Variants in MUC4 observed in about 807,000 individuals in gnomAD.
MUC4 encodes mucin-4.
Under a neutral mutation model 257.9 loss-of-function variants are expected in MUC4, and 202 were observed. The observed-to-expected ratio is 0.78, with a 90% confidence interval of 0.70 to 0.88. The LOEUF (loss-of-function observed/expected upper bound fraction) is 0.88. Ranked by LOEUF, MUC4 falls within the 40% of genes least tolerant of loss-of-function variation. The probability of loss-of-function intolerance (pLI) is 0.00; values close to 1 mark genes in which losing one functional copy is unlikely to be tolerated. For synonymous variants in MUC4, 2,351 were observed against 2,757.1 expected (o/e 0.85, Z 4.62); for missense variants, 5,976 against 6,513.7 (o/e 0.92, Z 2.84).
chr3:195,770,959 T>C, intron 5 of MUC4: 1 of 439,232 alleles, frequency 2.3e-6, no homozygotes, highest in Non-Finnish European at 4.6e-6. Context: ...GTGGCCGGGT[T>C]GGGGTATTCC....
chr3:195,811,657 C>G lies in MUC4; in HGVS notation c.82+79G>C, dbSNP rs1301584457. ...CTCTCTCTCTCTCTCTCTGTCTCCC[C>G]GGACCTCTTTCTCTGACAGCTCCCA... On this transcript the variant is annotated intron_variant, in intron 1 of 24. Transcript: ENST00000463781. 5 of 1,291,528 alleles carry G rather than the reference C, an allele frequency of 3.9e-6. No homozygotes were observed. In the East Asian group the frequency reaches 9.4e-5, roughly 24 times the overall value. 80.0% of individuals were successfully genotyped at this position (1,291,528 alleles called of 1,614,324 possible).
rs201087529 is a variant in MUC4 at position 195,782,784 on chromosome 3, G to T, written c.8796C>A (p.Thr2932=). The T allele has an allele frequency of 3.2e-5, 48 of 1,480,212 alleles. 6 individuals carry two copies. The Middle Eastern group carries it at 7.2e-4, about 22-fold the overall frequency. The allele number at this position is 1,480,212 out of a possible 1,614,324, so 91.7% of individuals were successfully genotyped here. A position where few individuals can be genotyped will look rare whatever the true frequency, so the allele number is the denominator to read the frequency against. Reference sequence around the variant, plus strand: ...CACCTGTGGATACTGAGGAAAGGCTGGTGACAGGAAGAGGGGTGGCCTGAC... The same window carrying T: ...CACCTGTGGATACTGAGGAAAGGCTTGTGACAGGAAGAGGGGTGGCCTGAC... The part of the protein sequence containing the change: ...STGQATPLPV[T]SLSSVSTGDT... The change falls in exon 2 of 25, where the codon ACC becomes ACA. Residue 2932 remains threonine, a synonymous_variant. Coordinates refer to ENST00000463781, the MANE Select transcript of MUC4 (RefSeq NM_018406.7).
At chr3:195,799,220 T>A (rs1333916595) in intron 1 of MUC4, among the ~76,000 whole-genome samples, 1 of 109,190 alleles carries the variant, frequency 9.2e-6, no homozygotes, top group Admixed American at 9.3e-5. Context: ...CTAGTATGTA[T>A]GTGTGACACT....
rs1208830821 is a variant in MUC4, at chr3:195,811,842, TC to T, written c.-26del. On this transcript the variant is annotated 5_prime_UTR_variant, in exon 1 of 25. Transcript: ENST00000463781. The stretch of plus-strand genomic sequence containing the variant: ...TGGCTGCGGCAAAAGTCCCCCTGGC[TC>T]CCTGGGGAAGCTCCACGGCCCAGCA... The T allele has an allele frequency of 6.2e-7, 1 of 1,609,356 alleles. No individual in the cohort carries two copies. The highest frequency in any genetic ancestry group is 1.7e-5 in the Admixed American group (1 of 59,946).
In MUC4 at chr3:195,765,561, A is replaced by C. The variant is rs568910262; in HGVS notation, c.13619-112T>G. 4.6e-4 allele frequency: 482 copies of C among 1,040,350 alleles called. 1 individual carries two copies. The highest frequency in any genetic ancestry group is 6.0e-4 in the Non-Finnish European group (439 of 730,954). 64.4% of individuals were successfully genotyped at this position (1,040,350 alleles called of 1,614,324 possible). On this transcript the variant is annotated intron_variant, in intron 8 of 24. Coordinates refer to ENST00000463781, the MANE Select transcript of MUC4 (RefSeq NM_018406.7). ...AATGCACCCCCTCCTGCCACTTCTCACCTCTTTGGACCCAAGTCAGATGGG... is the reference window on the plus strand; with the variant it reads ...AATGCACCCCCTCCTGCCACTTCTCCCCTCTTTGGACCCAAGTCAGATGGG...
rs1380040490 is a variant in MUC4, at chr3:195,763,450, T to G, written c.14236A>C (p.Ser4746Arg). ...TCACTCACCGTGACGGGGCCCAGGC[T>G]GCTGGAGCGGTACTGAGCCGCAAAG... is the stretch of plus-strand genomic sequence containing the variant. The part of the protein sequence containing the change: ...IAFAAQYRSS[S>R]LGPVTVQWLL... The change falls in exon 12 of 25, where the codon AGC (serine) becomes CGC (arginine). Residue 4746 changes from serine (S) to arginine (R), a missense_variant. By Grantham distance (110) the Ser-to-Arg change is moderately radical. Coordinates refer to ENST00000463781, the MANE Select transcript of MUC4 (RefSeq NM_018406.7). 7.0e-7 allele frequency: 1 copy of G among 1,433,396 alleles called. No homozygotes were observed. Among genetic ancestry groups the G allele is most frequent in the Non-Finnish European group, 9.2e-7 (1 of 1,088,086 alleles). The allele number at this position is 1,433,396 out of a possible 1,614,324, so 88.8% of individuals were successfully genotyped here.
intron 7 of MUC4, among the ~76,000 whole-genome samples, chr3:195,767,849 G>A (rs982934701): frequency 2.0e-3 from 107 of 52,766 alleles, no homozygotes; most frequent in South Asian, 3.2e-3. Context: ...CACCACCATC[G>A]CCACCATCAC....
At position 195,761,026 on chromosome 3, in the gene MUC4, G is replaced by T. The variant is rs1718778077; in HGVS notation, c.14706C>A (p.Asn4902Lys). 1.9e-6 allele frequency: 3 copies of T among 1,614,072 alleles called. No homozygotes were observed. Among genetic ancestry groups the T allele is most frequent in the African/African-American group, 1.3e-5 (1 of 74,918 alleles). ...TPVFYSQLQK[N>K]SSWAEHLISN... ...AGATCAAATGTTCAGCCCAGGAGCT[G>T]TTTTTTTGCAGTTGTGAGTAGAAAA... Residue 4902 changes from asparagine (N) to lysine (K), a missense_variant, in exon 16 of 25, where the codon AAC becomes AAA. Asn to Lys is a moderately conservative substitution (Grantham distance 94, BLOSUM62 0). Coordinates refer to ENST00000463781, the MANE Select transcript of MUC4 (RefSeq NM_018406.7).
At chr3:195,798,406 A>G (rs1392185122) in intron 1 of MUC4, among the ~76,000 whole-genome samples, 1 of 152,116 alleles carries the variant, frequency 6.6e-6, no homozygotes, top group East Asian at 1.9e-4. Context: ...TTATGCTTTA[A>G]AAAATATATA....
chr3:195,758,931 G>A (rs995466361), intron 17 of MUC4, among the ~76,000 whole-genome samples, 193 bp downstream of exon 17: 3 of 152,126 alleles, frequency 2.0e-5, no homozygotes, highest in East Asian at 1.9e-4. Flanking sequence ...CCGTAAGCCC[G>A]TCACTACTAC....
At position 195,782,174 on chromosome 3, in the gene MUC4, C is replaced by G. The variant is rs879366420; in HGVS notation, c.9406G>C (p.Ala3136Pro). Reference sequence around the variant, plus strand: ...GAGGAAGTGCTGGTGACAGGAAGAGCGGTGGCCTGACCTGTGGATGCTGAG... The same window carrying G: ...GAGGAAGTGCTGGTGACAGGAAGAGGGGTGGCCTGACCTGTGGATGCTGAG... Reference protein sequence around the residue: ...TSSASTGQATALPVTSTSSAS... With the variant: ...TSSASTGQATPLPVTSTSSAS... Residue 3136 changes from alanine to proline, a missense_variant, in exon 2 of 25, where the codon GCT becomes CCT. Ala to Pro is a conservative substitution (Grantham distance 27). This residue lies in a region of MUC4 where 128 missense variants were observed against 104.8 expected (regional missense o/e 1.22). Transcript: ENST00000463781. 0.044 allele frequency: 37,337 copies of G among 857,334 alleles called. 3,925 individuals are homozygous for G. The highest frequency in any genetic ancestry group is 0.16 in the African/African-American group (3,533 of 22,618). 53.1% of individuals were successfully genotyped at this position (857,334 alleles called of 1,614,324 possible).
At chr3:195,767,808 CCACCATCACCACCACCACCACCAT>C (rs1721642837) in intron 7 of MUC4, among the ~76,000 whole-genome samples, 1 of 124,130 alleles carries the variant, frequency 8.1e-6, no homozygotes, top group South Asian at 2.5e-4. Flanking sequence ...ACCATCATCA[CCACCATCACCACCACCACCACCAT>C]CACCACCACC....
At chr3:195,799,037 C>T (rs1295126184) in intron 1 of MUC4, among the ~76,000 whole-genome samples, 2 of 152,162 alleles carry the variant, frequency 1.3e-5, no homozygotes, top group African/African-American at 4.8e-5. Flanking sequence ...CGTTGTTACC[C>T]TTCCCATTTT....
rs943198072 is a variant in MUC4, at chr3:195,810,567, C to T, written c.82+1169G>A. On this transcript the variant is annotated intron_variant, in intron 1 of 24. Coordinates refer to ENST00000463781, the MANE Select transcript of MUC4 (RefSeq NM_018406.7). This position sits in a 1 kb window ranked among gnomAD's most constrained non-coding sequence, Gnocchi z 4.2. ...GAGGAGCCCAAGGCCAATGCCGGGGCTACGAGCCCCAGGCAAGGCCGTGAC... is the reference window on the plus strand; with the variant it reads ...GAGGAGCCCAAGGCCAATGCCGGGGTTACGAGCCCCAGGCAAGGCCGTGAC... Among the ~76,000 whole-genome samples, 7 of 152,184 alleles carry T rather than the reference C, an allele frequency of 4.6e-5. No homozygotes were observed. The highest frequency in any genetic ancestry group is 1.0e-4 in the Non-Finnish European group (7 of 68,014).
chr3:195,763,159 G>A (rs974304764), intron 12 of MUC4, among the ~76,000 whole-genome samples: 20 of 152,238 alleles, frequency 1.3e-4, no homozygotes, highest in South Asian at 1.2e-3. Flanking sequence ...TCTTACAACA[G>A]CCCGTGAGGC....
chr3:195,793,382 A>G (rs1734117719), intron 1 of MUC4, among the ~76,000 whole-genome samples: 1 of 151,970 alleles, frequency 6.6e-6, no homozygotes, highest in African/African-American at 2.4e-5. Context: ...GGTGCCTGTA[A>G]TCCCAGTTAC....
chr3:195,810,896 G>C lies in MUC4; in HGVS notation c.82+840C>G, dbSNP rs1453436796. ...TCTACCCCCAGCTCTGTACACAAGG[G>C]TGTACATCTTTCTCCTTGACTCTGT... On this transcript the variant is annotated intron_variant, in intron 1 of 24. Coordinates refer to ENST00000463781, the MANE Select transcript of MUC4 (RefSeq NM_018406.7). This position sits in a 1 kb window ranked among gnomAD's most constrained non-coding sequence, Gnocchi z 4.2. 6.6e-6 allele frequency among the ~76,000 whole-genome samples: 1 copy of C among 152,056 alleles called. No individual in the cohort carries two copies. Among genetic ancestry groups the C allele is most frequent in the Admixed American group, 6.6e-5 (1 of 15,252 alleles).
In MUC4 at chr3:195,781,290, A is replaced by G. The variant is rs1250495117; in HGVS notation, c.10290T>C (p.Thr3430=). ...GHATPLPVTS[T]SSASTGHATP... Reference sequence around the variant, plus strand: ...TGGCGTGACCGGTGGATGCTGAGGAAGTGCTGGTGACAGGAAGAGGGGTGG... The same window carrying G: ...TGGCGTGACCGGTGGATGCTGAGGAGGTGCTGGTGACAGGAAGAGGGGTGG... The change falls in exon 2 of 25, where the codon ACT becomes ACC. Residue 3430 remains threonine, a synonymous_variant. Coordinates refer to ENST00000463781, the MANE Select transcript of MUC4 (RefSeq NM_018406.7). 1 of 1,421,878 alleles carries G rather than the reference A, an allele frequency of 7.0e-7. No individual in the cohort carries two copies. The highest frequency in any genetic ancestry group is 9.5e-7 in the Non-Finnish European group (1 of 1,057,838). 88.1% of individuals were successfully genotyped at this position (1,421,878 alleles called of 1,614,324 possible).
At position 195,786,447 on chromosome 3, in the gene MUC4, G is replaced by A. The variant is rs199718749; in HGVS notation, c.5133C>T (p.Thr1711=). Residue 1711 remains threonine (T), a synonymous_variant, in exon 2 of 25, where the codon ACC becomes ACT. Coordinates refer to ENST00000463781, the MANE Select transcript of MUC4 (RefSeq NM_018406.7). The part of the protein sequence containing the change: ...DVSSASTGQA[T]PLPVTSLSSV... ...AGGAAAGGCTGGTGACAGGAAGAGGGGTGGCCTGACCTGTGGATGCCGAGG... is the reference window on the plus strand; with the variant it reads ...AGGAAAGGCTGGTGACAGGAAGAGGAGTGGCCTGACCTGTGGATGCCGAGG... 0.015 allele frequency: 22,015 copies of A among 1,510,796 alleles called. 12 individuals carry two copies. The highest frequency in any genetic ancestry group is 0.069 in the African/African-American group (4,768 of 68,788). 93.6% of individuals were successfully genotyped at this position (1,510,796 alleles called of 1,614,324 possible). A position where few individuals can be genotyped will look rare whatever the true frequency, so the allele number is the denominator to read the frequency against.
Sources: gnomAD v4.1 joint callset for allele counts (sites outside exome capture counted in the v4.1 genomes callset) on GRCh38, gnomAD v4.1.1 for gene constraint, gnomAD v4.1.1 regional missense constraint, Gnocchi (gnomAD v3.1) non-coding constraint, MANE v1.5 for transcripts, NCBI Gene and HGNC (gene_info 2026-07-23, HGNC 2026-07-21) for gene names.